The following MLIP variants were observed in gnomAD, a reference collection of about 807,000 sequenced individuals.
MLIP encodes muscular LMNA-interacting protein.
A neutral mutation model predicts 84.8 loss-of-function variants in MLIP; 79 were observed. The ratio of observed to expected loss-of-function variants is 0.93; its 90% confidence interval spans 0.78 to 1.12. MLIP has a LOEUF of 1.12. Among genes scored for constraint, MLIP ranks in the 50% most tolerant of loss-of-function variants. The pLI, the probability that MLIP is intolerant of heterozygous loss-of-function variation, is 0.00. For synonymous variants in MLIP, 504 were observed against 463.0 expected, an observed-to-expected ratio of 1.09 and a Z score of -1.14; for missense variants, 1,257 against 1,160.6, an observed-to-expected ratio of 1.08 and a Z score of -1.21.
intron 1 of MLIP, among the ~76,000 whole-genome samples, chr6:54,034,090 T>C (rs1184310015): frequency 6.6e-6 from 1 of 152,200 alleles, no homozygotes; most frequent in South Asian, 2.1e-4. Context: ...TTGCCAAAAT[T>C]TTGACTACTT....
intron 1 of MLIP, among the ~76,000 whole-genome samples, chr6:54,060,739 A>C (rs949708727): frequency 1.1e-4 from 16 of 152,210 alleles, no homozygotes; most frequent in Admixed American, 1.0e-3. Flanking sequence ...GTATTTAAAT[A>C]GGACAATAAT....
rs1582045932 is a variant in MLIP at position 54,056,675 on chromosome 6, A to T, written c.63+37584A>T. Among the ~76,000 whole-genome samples the T allele has an allele frequency of 1.9e-4, 29 of 152,362 alleles. No homozygotes were observed. In the South Asian group the frequency reaches 5.8e-3, roughly 30 times the overall value. ...TAAAACCCATCTCTAGAAGCTTGCC[A>T]GCAAGAATGCCTTTATTTCCACAGC... On this transcript the variant is annotated intron_variant, in intron 1 of 12. Coordinates refer to the MLIP transcript ENST00000274897.
chr6:54,104,744 C>A (rs542424108), intron 1 of MLIP, among the ~76,000 whole-genome samples: 1 of 152,026 alleles, frequency 6.6e-6, no homozygotes, highest in African/African-American at 2.4e-5. Context: ...GTCTTCTTTT[C>A]TTACATTCAT....
intron 11 of MLIP, among the ~76,000 whole-genome samples, chr6:54,221,745 T>C (rs965927129): frequency 1.5e-4 from 23 of 151,960 alleles, no homozygotes; most frequent in Non-Finnish European, 2.8e-4. Flanking sequence ...AAGTAGATCA[T>C]CTCGAGTAAA....
intron 1 of MLIP, among the ~76,000 whole-genome samples, chr6:54,050,956 T>G (rs1582034889): frequency 2.6e-5 from 4 of 152,348 alleles, no homozygotes; most frequent in Non-Finnish European, 4.4e-5. Flanking sequence ...TGCTGTTTAC[T>G]GCATCTGGAA....
At position 54,218,583 on chromosome 6, in the gene MLIP, G is replaced by A. The variant is rs111411925; in HGVS notation, c.2719-12131G>A. Among the ~76,000 whole-genome samples the A allele has an allele frequency of 5.5e-4, 83 of 152,114 alleles. 2 individuals are homozygous for A. The highest frequency in any genetic ancestry group is 1.7e-3 in the African/African-American group (72 of 41,516). ...TGCCCAGGTTGGAAGGCAGTGGTGC[G>A]ATCTCGGCTCACTGCAGCCTTCATC... On this transcript the variant is annotated intron_variant, in intron 11 of 13. Coordinates refer to ENST00000502396, the MANE Select transcript of MLIP (RefSeq NM_001281747.2).
chr6:54,260,668 A>G (rs1019894421), intron 13 of MLIP, among the ~76,000 whole-genome samples: 3 of 152,052 alleles, frequency 2.0e-5, no homozygotes, highest in African/African-American at 7.2e-5. Context: ...GAGTGACAAC[A>G]AATTCCTGTC....
chr6:54,179,088 G>A (rs1776591074), intron 9 of MLIP, among the ~76,000 whole-genome samples: 1 of 152,160 alleles, frequency 6.6e-6, no homozygotes, highest in Admixed American at 6.5e-5. Flanking sequence ...AGTGTTGGCT[G>A]CATGTAAGTT....
At chr6:54,143,217 C>CTTT (rs35374553) in intron 4 of MLIP, among the ~76,000 whole-genome samples, 2 of 132,526 alleles carry the variant, frequency 1.5e-5, no homozygotes, top group Non-Finnish European at 3.2e-5. Flanking sequence ...GGGGGATTTG[C>CTTT]TTTTTTTTTT....
intron 11 of MLIP, chr6:54,215,085 A>C: frequency 7.4e-7 from 1 of 1,348,248 alleles, no homozygotes; most frequent in Non-Finnish European, 1.0e-6. Context: ...CCTATTTGTA[A>C]CCTTTTCTAC....
At chr6:54,109,763 C>T (rs1215252847), upstream of MLIP, among the ~76,000 whole-genome samples, 1 of 152,062 alleles carries the variant, frequency 6.6e-6, no homozygotes, top group Admixed American at 6.5e-5. Flanking sequence ...AGGGCATCTA[C>T]TAGGAGCTTC....
chr6:54,074,392 A>G (rs1383353938), intron 1 of MLIP, among the ~76,000 whole-genome samples: 1 of 151,138 alleles, frequency 6.6e-6, no homozygotes, highest in Non-Finnish European at 1.5e-5. Context: ...GAGAAAAAAT[A>G]AAATTAACGC....
intron 8 of MLIP, among the ~76,000 whole-genome samples, chr6:54,164,499 C>T (rs959762247): frequency 6.6e-6 from 1 of 151,850 alleles, no homozygotes; most frequent in Admixed American, 6.6e-5. Flanking sequence ...ACTGTAAACT[C>T]CATCCTTTTA....
At chr6:54,090,661 ATG>A (rs145816939) in intron 1 of MLIP, among the ~76,000 whole-genome samples, 1,503 of 147,226 alleles carry the variant, frequency 0.01, 17 homozygotes, top group African/African-American at 0.026. Context: ...GTGTGTGTGT[ATG>A]TGTGTGTGTG....
intron 13 of MLIP, among the ~76,000 whole-genome samples, chr6:54,258,516 A>T (rs1355308624): frequency 6.6e-6 from 1 of 151,992 alleles, no homozygotes; most frequent in Non-Finnish European, 1.5e-5. Context: ...TGGTTTTATG[A>T]TTATGAACAT....
At position 54,215,113 on chromosome 6, in the gene MLIP, A is replaced by G. The variant is rs1052680613; in HGVS notation, c.2718+12880A>G. ...TTTTCTACACGCTGTGTACTTCCTC[A>G]CTAAAAGCTGTCCACTTTACACTCA... is the stretch of plus-strand genomic sequence containing the variant. On this transcript the variant is annotated intron_variant, in intron 11 of 13. Transcript: ENST00000502396. The G allele has an allele frequency of 1.1e-5, 17 of 1,505,068 alleles. No homozygotes were observed. The African/African-American group carries it at 2.1e-4, about 18-fold the overall frequency. The allele number at this position is 1,505,068 out of a possible 1,614,324, so 93.2% of individuals were successfully genotyped here.
chr6:54,036,194 A>G (rs896646695), intron 1 of MLIP, among the ~76,000 whole-genome samples: 2 of 151,928 alleles, frequency 1.3e-5, no homozygotes, highest in African/African-American at 4.8e-5. Flanking sequence ...TAACATGTGC[A>G]AAAGTCTTGA....
At chr6:54,049,485 C>G (rs1239922682) in intron 1 of MLIP, among the ~76,000 whole-genome samples, 1 of 152,098 alleles carries the variant, frequency 6.6e-6, no homozygotes, top group Non-Finnish European at 1.5e-5. Flanking sequence ...GCTGATGGTA[C>G]TTGTTTTACA....
chr6:54,177,113 AG>A (rs932558347), intron 9 of MLIP, among the ~76,000 whole-genome samples: 1 of 152,190 alleles, frequency 6.6e-6, no homozygotes, highest in Non-Finnish European at 1.5e-5. Context: ...AAGAAAATCT[AG>A]GCAATACCAT....
Sources: allele counts gnomAD v4.1 joint callset (sites outside exome capture counted in the v4.1 genomes callset), GRCh38; gene constraint gnomAD v4.1.1; transcripts MANE v1.5; gene names NCBI Gene and HGNC (gene_info 2026-07-23, HGNC 2026-07-21).